Variants in SGSM2 observed in about 807,000 individuals in gnomAD.
The protein encoded by SGSM2 is RUN and TBC1 domain containing 1.
A neutral mutation model predicts 126.6 loss-of-function variants in SGSM2; 89 were observed. That is an observed-to-expected ratio of 0.70 (90% CI 0.59 to 0.84). SGSM2 has a LOEUF of 0.84. Ranked by LOEUF, SGSM2 falls within the 40% of genes least tolerant of loss-of-function variation. The pLI is 0.00. For missense variants in SGSM2, 1,404 were observed against 1,416.6 expected (o/e 0.99, Z 0.14); for synonymous variants, 614 against 574.3 (o/e 1.07, Z -0.99).
intron 2 of SGSM2, among the ~76,000 whole-genome samples, chr17:2,357,686 C>T (rs1471035454): frequency 2.0e-5 from 3 of 152,056 alleles, no homozygotes; most frequent in African/African-American, 7.2e-5. Context: ...TTAGCAGAGA[C>T]GGAGTTTCAC....
At position 2,380,523 on chromosome 17, in the gene SGSM2, C is replaced by CT. The variant is rs1450551964; in HGVS notation, c.*1004dup. 5.0e-6 allele frequency: 3 copies of CT among 594,074 alleles called. No homozygotes were observed. Among genetic ancestry groups the CT allele is most frequent in the African/African-American group, 3.7e-5 (2 of 53,718 alleles). 36.8% of individuals were successfully genotyped at this position (594,074 alleles called of 1,614,324 possible). Reference sequence around the variant, plus strand: ...TCCCTGGTGAGAAGCAAGGCTAGCTCTGCCTTCCACATGCTTCTCAGGATG... The same window carrying CT: ...TCCCTGGTGAGAAGCAAGGCTAGCTCTTGCCTTCCACATGCTTCTCAGGATG... On this transcript the variant is annotated 3_prime_UTR_variant, in exon 24 of 24. Transcript: ENST00000268989.
intron 2 of SGSM2, among the ~76,000 whole-genome samples, chr17:2,349,019 C>T (rs2064729107): frequency 6.6e-6 from 1 of 151,904 alleles, no homozygotes; most frequent in Admixed American, 6.5e-5. Flanking sequence ...CCGCCTCGGC[C>T]TCCCAAAGTG....
intron 2 of SGSM2, among the ~76,000 whole-genome samples, chr17:2,352,768 T>C (rs989697765): frequency 1.1e-4 from 3 of 27,172 alleles, no homozygotes; most frequent in South Asian, 1.8e-3. Flanking sequence ...CTGCATTTTC[T>C]TTTTTTTTTT....
chr17:2,338,193 C>A (rs1290757805), intron 1 of SGSM2, among the ~76,000 whole-genome samples: 6 of 152,148 alleles, frequency 3.9e-5, no homozygotes, highest in Non-Finnish European at 8.8e-5. Context: ...CTGAGCTCCC[C>A]CTTGTCCGAC....
intron 12 of SGSM2, among the ~76,000 whole-genome samples, chr17:2,368,347 G>A (rs1186890182): frequency 1.3e-5 from 2 of 152,206 alleles, no homozygotes; most frequent in African/African-American, 2.4e-5. Flanking sequence ...GCTCCAGAAA[G>A]GGGTGGGTAG....
chr17:2,373,863 C>T (rs375974835), intron 17 of SGSM2: 14 of 235,390 alleles, frequency 5.9e-5, no homozygotes, highest in African/African-American at 3.1e-4. Context: ...TACTGACAAG[C>T]TGAATGTCTC....
chr17:2,369,563 C>T (rs897533293), intron 12 of SGSM2, among the ~76,000 whole-genome samples: 5 of 152,174 alleles, frequency 3.3e-5, no homozygotes, highest in African/African-American at 9.7e-5. Context: ...CGCTCAGAGA[C>T]AGTGTTCGAA....
At chr17:2,347,989 C>T (rs867183101) in intron 2 of SGSM2, among the ~76,000 whole-genome samples, 6 of 152,266 alleles carry the variant, frequency 3.9e-5, no homozygotes, top group Middle Eastern at 3.4e-3. Context: ...CCCTGCCCTG[C>T]TGTGTGCAAG....
chr17:2,349,220 A>G (rs1183816846), intron 2 of SGSM2, among the ~76,000 whole-genome samples: 1 of 152,104 alleles, frequency 6.6e-6, no homozygotes, highest in Non-Finnish European at 1.5e-5. Flanking sequence ...TACTAAAAAT[A>G]CAAAAATTAG....
At chr17:2,354,998 GA>G in intron 2 of SGSM2, among the ~76,000 whole-genome samples, 1 of 117,556 alleles carries the variant, frequency 8.5e-6, no homozygotes, top group Non-Finnish European at 1.7e-5. Context: ...TGGGGGAAGG[GA>G]CCCCATATCT....
chr17:2,338,330 C>T (rs1178486431), intron 1 of SGSM2, among the ~76,000 whole-genome samples: 3 of 151,788 alleles, frequency 2.0e-5, no homozygotes, highest in Non-Finnish European at 4.4e-5. Flanking sequence ...TTTTAACACT[C>T]GGAAGTTTTT....
At chr17:2,371,464 CGTGT>C (rs1175648261) in intron 13 of SGSM2, 49 bp downstream of exon 13, 2 of 1,540,012 alleles carry the variant, frequency 1.3e-6, no homozygotes, top group Admixed American at 3.8e-5. Context: ...TGTCCAGCCA[CGTGT>C]GTGTCCGTCT....
At position 2,362,977 on chromosome 17, in the gene SGSM2, C is replaced by CT. The variant is rs983389563; in HGVS notation, c.527-11dup. The CT allele has an allele frequency of 3.1e-6, 5 of 1,613,978 alleles. No homozygotes were observed. The highest frequency in any genetic ancestry group is 4.2e-6 in the Non-Finnish European group (5 of 1,180,034). On this transcript the variant is annotated splice_polypyrimidine_tract_variant and intron_variant, in intron 5 of 23. Coordinates refer to ENST00000268989, the MANE Select transcript of SGSM2 (RefSeq NM_014853.3). The surrounding 1 kb of genome is among the most constrained non-coding windows in gnomAD (Gnocchi z 4.9). ...GGAGCATCGTCTGGGCTGGCTGTCT[C>CT]TGTCTCCACAGTGGGACCCTGTGCC...
intron 16 of SGSM2, 83 bp from the exon 17 acceptor site, chr17:2,373,248 C>T (rs887628949): frequency 7.1e-6 from 11 of 1,550,640 alleles, no homozygotes; most frequent in Non-Finnish European, 8.7e-6. Flanking sequence ...GACTCAGGAC[C>T]CAAGGTCCAG....
Position 2,380,405 on chromosome 17 carries a change from G to T in SGSM2, c.*885G>T, listed in dbSNP as rs1032308820. 4 of 1,150,314 alleles carry T rather than the reference G, an allele frequency of 3.5e-6. No homozygotes were observed. The African/African-American group carries it at 6.1e-5, about 18-fold the overall frequency. The allele number at this position is 1,150,314 out of a possible 1,614,324, so 71.3% of individuals were successfully genotyped here. ...GGTCACAGCCTCCCCTCAGAGACAG[G>T]CCTCAGTTCGAGGGCAGCCCATTAT... On this transcript the variant is annotated 3_prime_UTR_variant, in exon 24 of 24. Coordinates refer to ENST00000268989, the MANE Select transcript of SGSM2 (RefSeq NM_014853.3).
chr17:2,364,766 C>T, intron 9 of SGSM2, 103 bp downstream of exon 9: 2 of 1,555,776 alleles, frequency 1.3e-6, no homozygotes, highest in South Asian at 2.2e-5. Context: ...CTCCTCCCAT[C>T]CTTGTTAATG....
At position 2,363,607 on chromosome 17, in the gene SGSM2, A is replaced by G. The variant is rs774660010; in HGVS notation, c.807+8A>G. On this transcript the variant is annotated splice_region_variant and intron_variant, in intron 7 of 23. Coordinates refer to ENST00000268989, the MANE Select transcript of SGSM2 (RefSeq NM_014853.3). The surrounding 1 kb of genome is among the most constrained non-coding windows in gnomAD (Gnocchi z 4.2). ...CACGTGCTGGTGCAGCCGGTAGGAA[A>G]GCTTCATCCTGCCATCCCTCCCCGA... 1.2e-6 allele frequency: 2 copies of G among 1,612,068 alleles called. No individual in the cohort carries two copies. The highest frequency in any genetic ancestry group is 2.2e-5 in the South Asian group (2 of 91,006).
rs932229907 is a variant in SGSM2, at chr17:2,367,849, G to T, written c.1423+444G>T. Among the ~76,000 whole-genome samples, 11 of 152,340 alleles carry T rather than the reference G, an allele frequency of 7.2e-5. No homozygotes were observed. Among genetic ancestry groups the T allele is most frequent in the African/African-American group, 2.6e-4 (11 of 41,572 alleles). On this transcript the variant is annotated intron_variant, in intron 12 of 23. Transcript: ENST00000268989. The surrounding 1 kb of genome is among the most constrained non-coding windows in gnomAD (Gnocchi z 4.0). Reference sequence around the variant, plus strand: ...ATGGAGGTACCGGGTCCTTCCTGGGGCAGGGGCAGCAGCTGTGGGTCAGGC... The same window carrying T: ...ATGGAGGTACCGGGTCCTTCCTGGGTCAGGGGCAGCAGCTGTGGGTCAGGC...
At chr17:2,343,432 A>C (rs900676156) in intron 1 of SGSM2, 113 bp from the exon 2 acceptor site, 1 of 944,920 alleles carries the variant, frequency 1.1e-6, no homozygotes, top group Non-Finnish European at 1.7e-6. Context: ...CATCTCTGCA[A>C]GTGTCTGAAA....
Sources: allele counts gnomAD v4.1 joint callset (sites outside exome capture counted in the v4.1 genomes callset), GRCh38; gene constraint gnomAD v4.1.1; non-coding constraint Gnocchi (gnomAD v3.1); transcripts MANE v1.5; gene names NCBI Gene and HGNC (gene_info 2026-07-23, HGNC 2026-07-21).